SSBP2: variants seen among roughly 807,000 people sequenced by gnomAD.
The protein encoded by SSBP2 is single stranded DNA binding protein 2.
Under a neutral mutation model 61.8 loss-of-function variants are expected in SSBP2, and 17 were observed. The ratio of observed to expected loss-of-function variants is 0.28; its 90% CI spans 0.19 to 0.41. The LOEUF is 0.41. Ranked by LOEUF, SSBP2 falls within the 10% of genes least tolerant of loss-of-function variation. The pLI is 1.00. For synonymous variants in SSBP2, 139 were observed against 141.3 expected (o/e 0.98, Z 0.12); for missense variants, 310 against 458.7 (o/e 0.68, Z 2.96).
At chr5:81,495,607 T>A (rs894871590) in intron 5 of SSBP2, among the ~76,000 whole-genome samples, 1 of 152,202 alleles carries the variant, frequency 6.6e-6, no homozygotes, top group Non-Finnish European at 1.5e-5. Context: ...TACTCCGATA[T>A]GAAGGAACTG....
At chr5:81,596,818 C>T (rs1190728742) in intron 4 of SSBP2, among the ~76,000 whole-genome samples, 5 of 142,768 alleles carry the variant, frequency 3.5e-5, no homozygotes, top group Admixed American at 2.2e-4. Context: ...CCCTTCCTTA[C>T]ACCTTATACA....
At chr5:81,613,124 C>T (rs1745618871) in intron 4 of SSBP2, among the ~76,000 whole-genome samples, 2 of 151,936 alleles carry the variant, frequency 1.3e-5, no homozygotes, top group East Asian at 1.9e-4. Context: ...GATGTATTAC[C>T]ATGAAAAGAA....
chr5:81,660,192 A>T (rs552437243), intron 1 of SSBP2, among the ~76,000 whole-genome samples: 22 of 152,164 alleles, frequency 1.4e-4, no homozygotes, highest in African/African-American at 5.3e-4. Flanking sequence ...ACTAAAGAGC[A>T]TCTGCACAGC....
intron 2 of SSBP2, among the ~76,000 whole-genome samples, chr5:81,639,523 C>T (rs908506808): frequency 4.7e-5 from 7 of 150,114 alleles, no homozygotes; most frequent in Admixed American, 3.3e-4. Context: ...GAGAAGGTGA[C>T]AAATGCAGTG....
intron 8 of SSBP2, among the ~76,000 whole-genome samples, chr5:81,469,485 A>G (rs1477814718): frequency 6.6e-6 from 1 of 151,882 alleles, no homozygotes; most frequent in Non-Finnish European, 1.5e-5. Flanking sequence ...CTCTTTATGT[A>G]ATGGCTCCAC....
Position 81,520,371 on chromosome 5 carries a change from T to C in SSBP2, c.283-6654A>G, listed in dbSNP as rs188991709. 3.9e-3 allele frequency among the ~76,000 whole-genome samples: 592 copies of C among 152,318 alleles called. 2 individuals are homozygous for C. The highest frequency in any genetic ancestry group is 5.9e-3 in the Non-Finnish European group (402 of 68,020). ...TTGGTTGCATCTGCAAAGTTTGACA[T>C]TGGTGTTCACAATTTTTTTCTTAAG... On this transcript the variant is annotated intron_variant, in intron 4 of 16. Coordinates refer to ENST00000320672, the MANE Select transcript of SSBP2 (RefSeq NM_012446.5).
At chr5:81,585,962 A>G (rs1189134845) in intron 4 of SSBP2, among the ~76,000 whole-genome samples, 3 of 152,144 alleles carry the variant, frequency 2.0e-5, no homozygotes, top group African/African-American at 7.2e-5. Context: ...ACATTGTCAC[A>G]AGTGACAGAA....
intron 4 of SSBP2, among the ~76,000 whole-genome samples, chr5:81,586,274 C>T (rs1329500693): frequency 1.3e-5 from 2 of 152,050 alleles, no homozygotes; most frequent in Admixed American, 1.3e-4. Flanking sequence ...GTGTACAGTA[C>T]GAGGGTTCCC....
intron 1 of SSBP2, among the ~76,000 whole-genome samples, chr5:81,657,357 A>AC (rs1251865773): frequency 6.6e-6 from 1 of 152,234 alleles, no homozygotes; most frequent in Non-Finnish European, 1.5e-5. Context: ...TATGATAAAT[A>AC]CATGTGATGG....
At chr5:81,666,906 C>T (rs943762249) in intron 1 of SSBP2, among the ~76,000 whole-genome samples, 4 of 152,148 alleles carry the variant, frequency 2.6e-5, no homozygotes, top group African/African-American at 9.6e-5. Context: ...GTTGACTAAC[C>T]TTGGAAGTCT....
At chr5:81,751,149 G>A, upstream of SSBP2, 3 of 1,176,890 alleles carry the variant, frequency 2.5e-6, no homozygotes, top group South Asian at 1.3e-5. Flanking sequence ...CCCCACTATT[G>A]GCCGCCCCAC....
intron 15 of SSBP2, among the ~76,000 whole-genome samples, chr5:81,433,747 T>C (rs1258945851): frequency 6.6e-6 from 1 of 152,222 alleles, no homozygotes; most frequent in African/African-American, 2.4e-5. Context: ...CTTTAAAAGC[T>C]TTCTAAATCA....
At chr5:81,452,705 C>T (rs1763855611) in intron 10 of SSBP2, among the ~76,000 whole-genome samples, 1 of 152,050 alleles carries the variant, frequency 6.6e-6, no homozygotes, top group Admixed American at 6.6e-5. Context: ...CTCATTTATA[C>T]ATAGGGAATT....
chr5:81,554,346 C>G (rs1208227839), intron 4 of SSBP2, among the ~76,000 whole-genome samples: 2 of 151,584 alleles, frequency 1.3e-5, no homozygotes, highest in South Asian at 4.2e-4. Context: ...TTCTTTCATT[C>G]AAAACCATTT....
chr5:81,450,397 ATC>A (rs1222930697), intron 10 of SSBP2, among the ~76,000 whole-genome samples: 2 of 151,768 alleles, frequency 1.3e-5, no homozygotes, highest in Non-Finnish European at 2.9e-5. Context: ...GACCAATTTC[ATC>A]TCTCTCTGTC....
intron 10 of SSBP2, among the ~76,000 whole-genome samples, chr5:81,450,072 C>G (rs1763667175): frequency 6.6e-6 from 1 of 152,050 alleles, no homozygotes; most frequent in East Asian, 1.9e-4. Flanking sequence ...TTTTTGTCAC[C>G]CAGGCTGGAG....
intron 2 of SSBP2, among the ~76,000 whole-genome samples, chr5:81,647,291 T>C (rs1749353664): frequency 1.3e-5 from 2 of 152,148 alleles, no homozygotes; most frequent in South Asian, 4.1e-4. Context: ...TACTATACTT[T>C]ATATTCATAC....
rs536658023 is a variant in SSBP2, at chr5:81,681,530, A to G, written c.63-31191T>C. Among the ~76,000 whole-genome samples, 1,248 of 151,992 alleles carry G rather than the reference A, an allele frequency of 8.2e-3. 28 individuals are homozygous for G. Among genetic ancestry groups the G allele is most frequent in the African/African-American group, 0.029 (1,195 of 41,498 alleles). On this transcript the variant is annotated intron_variant, in intron 1 of 16. Coordinates refer to ENST00000320672, the MANE Select transcript of SSBP2 (RefSeq NM_012446.5). ...GCCAGGCTCCACCTCAAAAAAAAAA[A>G]AAAAAAGAAAATACAACTTACCAAA...
At chr5:81,436,033 C>G (rs76679921) in intron 15 of SSBP2, among the ~76,000 whole-genome samples, 1 of 151,616 alleles carries the variant, frequency 6.6e-6, no homozygotes, top group South Asian at 2.1e-4. Flanking sequence ...ACTAAAAATA[C>G]GAAAATTAGC....
Sources: allele counts gnomAD v4.1 joint callset (sites outside exome capture counted in the v4.1 genomes callset), GRCh38; gene constraint gnomAD v4.1.1; transcripts MANE v1.5; gene names NCBI Gene and HGNC (gene_info 2026-07-23, HGNC 2026-07-21).